Variants in XRN1 observed in about 807,000 individuals in gnomAD.
XRN1 encodes 5'-3' exoribonuclease 1.
XRN1 carries 67 observed loss-of-function variants against 222.3 expected under a neutral mutation model. That is an observed-to-expected ratio of 0.30 (90% CI 0.25 to 0.37). The LOEUF (loss-of-function observed/expected upper bound fraction) is 0.37, where lower values mean the gene tolerates loss of function less well. XRN1 is among the 10% of genes least tolerant of loss of function. The pLI, the probability that XRN1 is intolerant of heterozygous loss-of-function variation, is 1.00. For missense variants in XRN1, 1,707 were observed against 2,000.2 expected, an observed-to-expected ratio of 0.85 and a Z score of 2.80; for synonymous variants, 643 against 652.4, an observed-to-expected ratio of 0.99 and a Z score of 0.22.
At chr3:142,319,932 G>A (rs554057980) in intron 37 of XRN1, among the ~76,000 whole-genome samples, 16 of 150,038 alleles carry the variant, frequency 1.1e-4, no homozygotes, top group African/African-American at 2.5e-4. Flanking sequence ...ACACACACAC[G>A]CACGCACACA....
intron 23 of XRN1, among the ~76,000 whole-genome samples, chr3:142,378,801 A>G (rs2067216800): frequency 6.6e-6 from 1 of 152,194 alleles, no homozygotes; most frequent in African/African-American, 2.4e-5. Flanking sequence ...GGAAGAAAAA[A>G]GATCCATACC....
chr3:142,365,446 C>T (rs2066785681), intron 27 of XRN1, 80 bp from the exon 28 acceptor site: 1 of 1,088,520 alleles, frequency 9.2e-7, no homozygotes, highest in Non-Finnish European at 1.2e-6. Context: ...TTCCACATGT[C>T]TGAATTTTAA....
intron 37 of XRN1, 67 bp downstream of exon 37, chr3:142,329,367 T>A: frequency 8.4e-7 from 1 of 1,195,102 alleles, no homozygotes; most frequent in African/African-American, 1.6e-5. Context: ...TAGCTAAACA[T>A]TTTCAACCAA....
chr3:142,446,079 G>A (rs2070488917), intron 1 of XRN1, among the ~76,000 whole-genome samples: 1 of 152,182 alleles, frequency 6.6e-6, no homozygotes. Flanking sequence ...ATGGTTTGTT[G>A]TAATTGTTTT....
Position 142,432,402 on chromosome 3 carries a change from T to G in XRN1, c.308+259A>C, listed in dbSNP as rs927518923. Among the ~76,000 whole-genome samples the G allele has an allele frequency of 2.6e-5, 4 of 150,950 alleles. No individual in the cohort carries two copies. In the Admixed American group the frequency reaches 2.7e-4, roughly 10 times the overall value. The stretch of plus-strand genomic sequence containing the variant: ...TACCACTGCACTCCAGCCTGGGTGA[T>G]AGAGTGAGATTCTGTCTCAACAAAC... On this transcript the variant is annotated intron_variant, in intron 2 of 40. Transcript: ENST00000392981.
At chr3:142,338,659 C>G (rs948251408) in intron 33 of XRN1, among the ~76,000 whole-genome samples, 4 of 152,078 alleles carry the variant, frequency 2.6e-5, no homozygotes, top group African/African-American at 9.7e-5. Context: ...CTCAGGGTCC[C>G]CAATTCCAGG....
At chr3:142,347,367 T>A (rs936689655) in intron 32 of XRN1, 25 bp from the exon 33 acceptor site, 4 of 1,425,842 alleles carry the variant, frequency 2.8e-6, no homozygotes, top group Non-Finnish European at 3.8e-6. Flanking sequence ...TCTTATAAAT[T>A]AAACAAAATC....
intron 34 of XRN1, among the ~76,000 whole-genome samples, chr3:142,334,767 T>TAAAC (rs1553854130): frequency 1.1e-5 from 1 of 90,350 alleles, no homozygotes; most frequent in African/African-American, 3.5e-5. Flanking sequence ...TGTCTATGTA[T>TAAAC]ACACACACAC....
intron 14 of XRN1, 143 bp downstream of exon 14, chr3:142,413,992 G>T: frequency 2.5e-6 from 2 of 803,862 alleles, no homozygotes; most frequent in South Asian, 2.8e-5. Context: ...CTTTTCAAGG[G>T]ACTTGTTAAA....
intron 22 of XRN1, among the ~76,000 whole-genome samples, chr3:142,382,246 A>G (rs1489099059): frequency 2.0e-5 from 3 of 152,084 alleles, no homozygotes; most frequent in Non-Finnish European, 4.4e-5. Context: ...TGCCCCCTAG[A>G]TTTAGTTCCC....
intron 32 of XRN1, among the ~76,000 whole-genome samples, chr3:142,349,466 T>C (rs914257796): frequency 2.0e-5 from 3 of 152,072 alleles, no homozygotes; most frequent in East Asian, 1.9e-4. Flanking sequence ...AATATCATTA[T>C]AGTAATGCTA....
At chr3:142,367,316 G>A (rs1432635537) in intron 27 of XRN1, among the ~76,000 whole-genome samples, 5 of 151,846 alleles carry the variant, frequency 3.3e-5, no homozygotes, top group Admixed American at 6.6e-5. Flanking sequence ...AGAAATGCCA[G>A]AATCTCAAGT....
At chr3:142,365,287 G>C in intron 28 of XRN1, 23 bp downstream of exon 28, 2 of 1,588,186 alleles carry the variant, frequency 1.3e-6, no homozygotes, top group Non-Finnish European at 1.7e-6. Context: ...CAACAACTCT[G>C]AATTCTTTGA....
At chr3:142,319,969 T>C (rs1294656598) in intron 37 of XRN1, among the ~76,000 whole-genome samples, 1 of 152,064 alleles carries the variant, frequency 6.6e-6, no homozygotes, top group African/African-American at 2.4e-5. Flanking sequence ...CTTTATCCAA[T>C]CATCCACTGA....
At chr3:142,322,132 G>C (rs1039964938) in intron 37 of XRN1, among the ~76,000 whole-genome samples, 1 of 152,174 alleles carries the variant, frequency 6.6e-6, no homozygotes. Flanking sequence ...CTTGCGGTCA[G>C]TAGGTCTCAA....
chr3:142,322,314 A>C (rs2065376542), intron 37 of XRN1, among the ~76,000 whole-genome samples: 1 of 152,182 alleles, frequency 6.6e-6, no homozygotes, highest in Non-Finnish European at 1.5e-5. Flanking sequence ...ACCAGGTTTA[A>C]GCAATCCTCT....
chr3:142,426,953 A>G, intron 2 of XRN1, 112 bp from the exon 3 acceptor site: 1 of 713,446 alleles, frequency 1.4e-6, no homozygotes, highest in Non-Finnish European at 2.3e-6. Flanking sequence ...CACCAGTTTT[A>G]ACGTTCAAAA....
chr3:142,384,480 A>G, intron 21 of XRN1, 43 bp downstream of exon 21: 13 of 1,510,976 alleles, frequency 8.6e-6, no homozygotes, highest in Non-Finnish European at 1.2e-5. Flanking sequence ...TAGTGTATTA[A>G]TAGTGTATAT....
Position 142,426,682 on chromosome 3 carries a change from TA to T in XRN1, c.406+61del, listed in dbSNP as rs139983836. The T allele has an allele frequency of 2.2e-3, 3,375 of 1,510,684 alleles. 78 individuals carry two copies. In the African/African-American group the frequency reaches 0.042, roughly 19 times the overall value. 93.6% of individuals were successfully genotyped at this position (1,510,684 alleles called of 1,614,324 possible). A position where few individuals can be genotyped will look rare whatever the true frequency, so the allele number is the denominator to read the frequency against. On this transcript the variant is annotated intron_variant, in intron 3 of 40. Transcript: ENST00000392981. ...TAGAGCATAGAAAATAAAATACATT[TA>T]AAAACCAAGTTTTCAATTTATATTT...
Sources: gnomAD v4.1 joint callset for allele counts (sites outside exome capture counted in the v4.1 genomes callset) on GRCh38, gnomAD v4.1.1 for gene constraint, MANE v1.5 for transcripts, NCBI Gene and HGNC (gene_info 2026-07-23, HGNC 2026-07-21) for gene names.